GRB10: variants seen among roughly 807,000 people sequenced by gnomAD.
The protein encoded by GRB10 is growth factor receptor-bound protein 10.
In GRB10, 20 loss-of-function variants were observed where a neutral mutation model predicts 80.9. The ratio of observed to expected loss-of-function variants is 0.25; its 90% CI spans 0.17 to 0.36. The LOEUF is 0.36. GRB10 is among the 10% of genes least tolerant of loss of function. The pLI is 1.00. For missense variants in GRB10, 548 were observed against 747.7 expected, an observed-to-expected ratio of 0.73 and a Z score of 3.12; for synonymous variants, 291 against 291.5, an observed-to-expected ratio of 1.00 and a Z score of 0.02.
chr7:50,683,508 G>A (rs186842442), intron 5 of GRB10, among the ~76,000 whole-genome samples: 28 of 152,252 alleles, frequency 1.8e-4, no homozygotes, highest in Admixed American at 1.3e-3. Flanking sequence ...AGGCCGTGGC[G>A]GGTGGATCAC....
chr7:50,607,503 C>T (rs1024445334), intron 13 of GRB10, among the ~76,000 whole-genome samples: 2 of 152,160 alleles, frequency 1.3e-5, no homozygotes, highest in Admixed American at 6.5e-5. Context: ...AACATAATAA[C>T]ATCAAGAGCA....
At chr7:50,695,256 C>T (rs1202692033) in intron 5 of GRB10, among the ~76,000 whole-genome samples, 1 of 152,186 alleles carries the variant, frequency 6.6e-6, no homozygotes, top group African/African-American at 2.4e-5. Flanking sequence ...AGTGGTGCCA[C>T]AAATTGCTCC....
chr7:50,597,489 C>T (rs2046872588), intron 17 of GRB10, among the ~76,000 whole-genome samples: 1 of 152,242 alleles, frequency 6.6e-6, no homozygotes, highest in African/African-American at 2.4e-5. Context: ...CTCTGACACC[C>T]AGAAGTTTGC....
chr7:50,600,014 C>G (rs2047328614), intron 17 of GRB10, among the ~76,000 whole-genome samples: 1 of 152,170 alleles, frequency 6.6e-6, no homozygotes, highest in Admixed American at 6.5e-5. Context: ...GGGGAGGACA[C>G]TTAGTGGCCA....
chr7:50,749,288 C>G (rs1248575453), intron 3 of GRB10, among the ~76,000 whole-genome samples: 1 of 151,760 alleles, frequency 6.6e-6, no homozygotes, highest in African/African-American at 2.4e-5. Flanking sequence ...ACCACCATGC[C>G]CAGCTAATTT....
upstream of GRB10, chr7:50,782,979 ATGGCAACCC>A (rs1166828797): frequency 6.6e-6 from 1 of 152,444 alleles, no homozygotes; most frequent in Non-Finnish European, 1.5e-5. The surrounding 1 kb of genome is among the most constrained non-coding windows in gnomAD (Gnocchi z 6.6). Flanking sequence ...CCTGGTTCTC[ATGGCAACCC>A]TGAAGAACCC....
chr7:50,710,203 C>T (rs577352069), intron 4 of GRB10, among the ~76,000 whole-genome samples: 1 of 152,222 alleles, frequency 6.6e-6, no homozygotes, highest in East Asian at 1.9e-4. Context: ...ACCCTCTCCC[C>T]AGAAACGGGC....
At chr7:50,621,817 A>G (rs2190498) in intron 8 of GRB10, among the ~76,000 whole-genome samples, 8,518 of 152,276 alleles carry the variant, frequency 0.056, 543 homozygotes, top group African/African-American at 0.16. Flanking sequence ...GTACATTTGT[A>G]TTTTTCAAAT....
chr7:50,701,318 C>A (rs1257861225), intron 5 of GRB10, among the ~76,000 whole-genome samples: 1 of 152,130 alleles, frequency 6.6e-6, no homozygotes, highest in Non-Finnish European at 1.5e-5. Context: ...TCTTCTAGGC[C>A]AGGCACTGCA....
chr7:50,697,928 G>A (rs1253349635), intron 5 of GRB10, among the ~76,000 whole-genome samples: 1 of 152,194 alleles, frequency 6.6e-6, no homozygotes, highest in Non-Finnish European at 1.5e-5. Context: ...ACGCCAAGAG[G>A]GAGGATGAAC....
chr7:50,775,336 T>G (rs1369868647), intron 2 of GRB10, among the ~76,000 whole-genome samples: 1 of 152,192 alleles, frequency 6.6e-6, no homozygotes, highest in East Asian at 1.9e-4. Flanking sequence ...TTCCATGTCC[T>G]GCCTTCCAGA....
chr7:50,754,192 G>C (rs573149757), intron 3 of GRB10, among the ~76,000 whole-genome samples: 3 of 152,340 alleles, frequency 2.0e-5, no homozygotes, highest in South Asian at 2.1e-4. Context: ...ACAATGAGCA[G>C]TCAAGAGGCA....
At chr7:50,646,272 G>C (rs1281911209) in intron 7 of GRB10, among the ~76,000 whole-genome samples, 1 of 152,154 alleles carries the variant, frequency 6.6e-6, no homozygotes, top group African/African-American at 2.4e-5. Flanking sequence ...TTGTTTCCGG[G>C]AGCTGTTCAT....
intron 7 of GRB10, among the ~76,000 whole-genome samples, chr7:50,628,303 A>G (rs1355747220): frequency 6.6e-6 from 1 of 152,136 alleles, no homozygotes; most frequent in Admixed American, 6.5e-5. Context: ...TTGTCCTGAC[A>G]AACTCCCTCC....
chr7:50,727,745 T>TA (rs2068889426), intron 4 of GRB10: 1 of 151,590 alleles, frequency 6.6e-6, no homozygotes, highest in Admixed American at 6.6e-5. Flanking sequence ...AAAAAAAACT[T>TA]ACATTCTTAA....
chr7:50,615,394 C>T (rs1006588052), intron 11 of GRB10, among the ~76,000 whole-genome samples: 1 of 152,228 alleles, frequency 6.6e-6, no homozygotes, highest in African/African-American at 2.4e-5. Context: ...GGCCACACAG[C>T]AGAGCTGGGA....
intron 8 of GRB10, among the ~76,000 whole-genome samples, chr7:50,620,372 A>T (rs1390694380): frequency 6.6e-6 from 1 of 152,188 alleles, no homozygotes; most frequent in African/African-American, 2.4e-5. Context: ...GAAGGAAGGA[A>T]TGAAGTTAAA....
At chr7:50,708,734 G>A (rs1000801497) in intron 4 of GRB10, among the ~76,000 whole-genome samples, 1 of 147,182 alleles carries the variant, frequency 6.8e-6, no homozygotes, top group Non-Finnish European at 1.5e-5. Context: ...GGAGTGCAGT[G>A]GCGTGATCTC....
intron 1 of GRB10, chr7:50,792,685 G>A (rs1245669739): frequency 5.2e-6 from 2 of 381,090 alleles, no homozygotes; most frequent in African/African-American, 4.2e-5. Flanking sequence ...GGGCCGGCTC[G>A]GGATTTGGGA....
Sources: gnomAD v4.1 joint callset for allele counts (sites outside exome capture counted in the v4.1 genomes callset) on GRCh38, gnomAD v4.1.1 for gene constraint, Gnocchi (gnomAD v3.1) non-coding constraint, MANE v1.5 for transcripts, NCBI Gene and HGNC (gene_info 2026-07-23, HGNC 2026-07-21) for gene names.